Variants in ZNF408 observed in about 807,000 individuals in gnomAD.
ZNF408 encodes the protein zinc finger protein 408.
Under a neutral mutation model 27.6 loss-of-function variants are expected in ZNF408, and 24 were observed. The observed-to-expected ratio is 0.87, with a 90% CI of 0.63 to 1.22. The LOEUF (loss-of-function observed/expected upper bound fraction) is 1.22, where lower values mean the gene tolerates loss of function less well. Among genes scored for constraint, ZNF408 ranks in the 50% most tolerant of loss-of-function variants. The probability of loss-of-function intolerance (pLI) is 0.00; values close to 1 mark genes in which losing one functional copy is unlikely to be tolerated. For missense variants in ZNF408, 897 were observed against 949.0 expected (o/e 0.95, Z 0.72); for synonymous variants, 410 against 396.1 (o/e 1.04, Z -0.42).
In ZNF408 at chr11:46,701,670, G is replaced by A; in HGVS notation, c.324G>A (p.Gln108=). ...KEKGEGVKPR[Q]EENLSLGPWG... Reference sequence around the variant, plus strand: ...AGGGCGAGGGAGTAAAGCCACGGCAGGAGGAGGTATTGAAGGATAGAGCGA... The same window carrying A: ...AGGGCGAGGGAGTAAAGCCACGGCAAGAGGAGGTATTGAAGGATAGAGCGA... The change falls in exon 2 of 5, where the codon CAG becomes CAA. Residue 108 remains glutamine, a synonymous_variant. Transcript: ENST00000311764. The A allele has an allele frequency of 6.3e-7, 1 of 1,576,390 alleles. No individual in the cohort carries two copies.
chr11:46,702,422 G>C (rs1837810826), intron 2 of ZNF408, among the ~76,000 whole-genome samples: 1 of 152,194 alleles, frequency 6.6e-6, no homozygotes, highest in Non-Finnish European at 1.5e-5. Context: ...AAAAGCTGGT[G>C]TTCCTTATTA....
At position 46,704,503 on chromosome 11, in the gene ZNF408, A is replaced by G; in HGVS notation, c.803A>G (p.Gln268Arg). Residue 268 changes from glutamine (Q) to arginine (R), a missense_variant, in exon 5 of 5, where the codon CAG becomes CGG. Physicochemically the swap from Gln to Arg is conservative, Grantham distance 43. Transcript: ENST00000311764. ...DGDVDEECPA[Q>R]AQMPPELQSN... is the part of the protein sequence containing the mutation. ...GACGTGGATGAGGAATGCCCGGCCCAGGCACAGATGCCACCTGAACTTCAG... is the reference window on the plus strand; with the variant it reads ...GACGTGGATGAGGAATGCCCGGCCCGGGCACAGATGCCACCTGAACTTCAG... 5.6e-6 allele frequency: 9 copies of G among 1,613,938 alleles called. No homozygotes were observed. Among genetic ancestry groups the G allele is most frequent in the Non-Finnish European group, 7.6e-6 (9 of 1,179,994 alleles).
At chr11:46,703,637 G>A (rs531758522) in intron 4 of ZNF408, among the ~76,000 whole-genome samples, 2 of 152,128 alleles carry the variant, frequency 1.3e-5, no homozygotes, top group Admixed American at 6.5e-5. Context: ...AGTAAGCTTT[G>A]TATGTACACG....
chr11:46,701,538 C>T lies in ZNF408; in HGVS notation c.192C>T (p.Gly64=), dbSNP rs763345714. 1 of 1,613,768 alleles carries T rather than the reference C, an allele frequency of 6.2e-7. No individual in the cohort carries two copies. The highest frequency in any genetic ancestry group is 1.1e-5 in the South Asian group (1 of 91,080). ...GCCTTCCCCGGGGCTTGGCCCTTGG[C>T]CCCTCACTCGCCAAGGAACAGCGCT... The part of the protein sequence containing the change: ...LKSLPRGLAL[G]PSLAKEQRLG... The change falls in exon 2 of 5, where the codon GGC becomes GGT. Residue 64 remains glycine, a synonymous_variant. Coordinates refer to ENST00000311764, the MANE Select transcript of ZNF408 (RefSeq NM_024741.3).
intron 4 of ZNF408, 92 bp from the exon 5 acceptor site, chr11:46,704,261 T>C: frequency 7.3e-7 from 1 of 1,367,560 alleles, no homozygotes; most frequent in Non-Finnish European, 1.0e-6. Flanking sequence ...GCTCAGGGGC[T>C]GGGTGGGAGA....
intron 2 of ZNF408, 71 bp downstream of exon 2, chr11:46,701,747 T>C (rs2064709670): frequency 1.2e-5 from 17 of 1,438,322 alleles, no homozygotes; most frequent in Non-Finnish European, 1.4e-5. Flanking sequence ...GCTAGACAGC[T>C]TTTCAATTTG....
chr11:46,705,222 C>T lies in ZNF408; in HGVS notation c.1522C>T (p.Arg508Trp), dbSNP rs373386613. The T allele has an allele frequency of 2.5e-5, 41 of 1,611,910 alleles. No individual in the cohort carries two copies. The highest frequency in any genetic ancestry group is 4.5e-5 in the East Asian group (2 of 44,874). ...CPHCGRAFRQ[R>W]GNLRGHLRLH... Reference sequence around the variant, plus strand: ...GCACTGTGGCCGGGCGTTTCGTCAGCGGGGCAACCTGCGTGGGCATTTGCG... The same window carrying T: ...GCACTGTGGCCGGGCGTTTCGTCAGTGGGGCAACCTGCGTGGGCATTTGCG... Residue 508 changes from arginine (R) to tryptophan (W), a missense_variant, in exon 5 of 5, where the codon CGG (arginine) becomes TGG (tryptophan). Coordinates refer to ENST00000311764, the MANE Select transcript of ZNF408 (RefSeq NM_024741.3). This position sits in a 1 kb window ranked among gnomAD's most constrained non-coding sequence, Gnocchi z 6.5.
At chr11:46,703,770 GTTT>G (rs1480616553) in intron 4 of ZNF408, among the ~76,000 whole-genome samples, 1 of 93,836 alleles carries the variant, frequency 1.1e-5, no homozygotes, top group African/African-American at 4.5e-5. Flanking sequence ...TGTTGTTGTT[GTTT>G]TTTTTTTTTT....
chr11:46,705,345 G>C lies in ZNF408; in HGVS notation c.1645G>C (p.Glu549Gln), dbSNP rs2064743864. The change falls in exon 5 of 5, where the codon GAG (glutamate) becomes CAG (glutamine). Residue 549 changes from glutamate (E) to glutamine (Q), a missense_variant. Glu to Gln is a conservative substitution (Grantham distance 29, BLOSUM62 2). Coordinates refer to ENST00000311764, the MANE Select transcript of ZNF408 (RefSeq NM_024741.3). The surrounding 1 kb of genome is among the most constrained non-coding windows in gnomAD (Gnocchi z 6.5). ...LRRHLISHTG[E>Q]AHLCPVCGKA... is the part of the protein sequence containing the mutation. ...GCGCCATCTCATCTCACACACCGGG[G>C]AGGCCCACTTGTGCCCGGTGTGTGG... is the stretch of plus-strand genomic sequence containing the variant. The C allele has an allele frequency of 6.2e-7, 1 of 1,610,944 alleles. No individual in the cohort carries two copies.
At chr11:46,703,842 G>T (rs1377529943) in intron 4 of ZNF408, among the ~76,000 whole-genome samples, 1 of 142,680 alleles carries the variant, frequency 7.0e-6, no homozygotes, top group Non-Finnish European at 1.5e-5. Context: ...GTCTCAGCTC[G>T]CTGCAACCTC....
chr11:46,705,423 G>A lies in ZNF408; in HGVS notation c.1723G>A (p.Gly575Arg), dbSNP rs576989115. ...CCGAGCTCACGAGCGCCTGCACTCCGGAGAGAGGCCCTTTCCCTGTCCCCA... is the reference window on the plus strand; with the variant it reads ...CCGAGCTCACGAGCGCCTGCACTCCAGAGAGAGGCCCTTTCCCTGTCCCCA... ...TLRAHERLHS[G>R]ERPFPCPQCG... Residue 575 changes from glycine (G) to arginine (R), a missense_variant, in exon 5 of 5, where the codon GGA (glycine) becomes AGA (arginine). Physicochemically the swap from Gly to Arg is moderately radical, Grantham distance 125. Coordinates refer to ENST00000311764, the MANE Select transcript of ZNF408 (RefSeq NM_024741.3). The surrounding 1 kb of genome is among the most constrained non-coding windows in gnomAD (Gnocchi z 6.5). The A allele has an allele frequency of 3.0e-5, 49 of 1,607,882 alleles. No homozygotes were observed. Among genetic ancestry groups the A allele is most frequent in the Admixed American group, 2.2e-4 (13 of 59,994 alleles).
intron 1 of ZNF408, 94 bp from the exon 2 acceptor site, chr11:46,701,305 G>T (rs2064702468): frequency 1.3e-6 from 2 of 1,572,704 alleles, no homozygotes; most frequent in Admixed American, 1.8e-5. Flanking sequence ...CTCGGGCTCC[G>T]CAGGCCCACC....
In ZNF408 at chr11:46,703,252, C is replaced by G. The variant is rs2064724300; in HGVS notation, c.652+9C>G. ...AGCAGAACCTTGCATAGGTATGTGT[C>G]AAATAAATGCTGGTTTCCCAGCAAT... On this transcript the variant is annotated intron_variant, in intron 4 of 4. Transcript: ENST00000311764. 1.3e-6 allele frequency: 2 copies of G among 1,598,914 alleles called. No individual in the cohort carries two copies.
Position 46,701,054 on chromosome 11 carries a change from G to A in ZNF408, c.7G>A (p.Glu3Lys). The A allele has an allele frequency of 6.2e-7, 1 of 1,614,162 alleles. No homozygotes were observed. Among genetic ancestry groups the A allele is most frequent in the Non-Finnish European group, 8.5e-7 (1 of 1,180,006 alleles). Reference sequence around the variant, plus strand: ...GGAGGCTTTCTGACCCGGAATGGAGGAGGCGGAGGAGCTGCTCTTGGAGGG... The same window carrying A: ...GGAGGCTTTCTGACCCGGAATGGAGAAGGCGGAGGAGCTGCTCTTGGAGGG... ME[E>K]AEELLLEGKK... The change falls in exon 1 of 5, where the codon GAG (glutamate) becomes AAG (lysine). Residue 3 changes from glutamate to lysine, a missense_variant. Glu to Lys is a moderately conservative substitution (Grantham distance 56). Transcript: ENST00000311764.
At chr11:46,703,283 C>T (rs1309844301) in intron 4 of ZNF408, 40 bp downstream of exon 4, 3 of 1,579,042 alleles carry the variant, frequency 1.9e-6, no homozygotes, top group Admixed American at 3.7e-5. Flanking sequence ...GCAATTTCCC[C>T]ACCAAAACAA....
At chr11:46,704,214 C>T in intron 4 of ZNF408, 139 bp from the exon 5 acceptor site, 1 of 878,028 alleles carries the variant, frequency 1.1e-6, no homozygotes, top group Non-Finnish European at 1.7e-6. Context: ...GCACCCCATG[C>T]TCCAGGGAAG....
chr11:46,703,273 G>A lies in ZNF408; in HGVS notation c.652+30G>A, dbSNP rs771083214. The A allele has an allele frequency of 9.4e-5, 150 of 1,587,468 alleles. 2 individuals carry two copies. In the South Asian group the frequency reaches 1.6e-3, roughly 17 times the overall value. ...GTGTCAAATAAATGCTGGTTTCCCA[G>A]CAATTTCCCCACCAAAACAACCTGT... On this transcript the variant is annotated intron_variant, in intron 4 of 4. Coordinates refer to ENST00000311764, the MANE Select transcript of ZNF408 (RefSeq NM_024741.3).
chr11:46,705,778 A>G lies in ZNF408; in HGVS notation c.2078A>G (p.Asp693Gly), dbSNP rs770599186. The G allele has an allele frequency of 2.5e-6, 4 of 1,611,104 alleles. No homozygotes were observed. The highest frequency in any genetic ancestry group is 3.4e-6 in the Non-Finnish European group (4 of 1,178,800). Residue 693 changes from aspartate (D) to glycine (G), a missense_variant, in exon 5 of 5, where the codon GAT becomes GGT. Coordinates refer to ENST00000311764, the MANE Select transcript of ZNF408 (RefSeq NM_024741.3). The surrounding 1 kb of genome is among the most constrained non-coding windows in gnomAD (Gnocchi z 6.5). ...TGCTTTGTGGTGCCAGAGGAGCCAG[A>G]TGCCGCCCCCAGCCTGGTGCTAATC... ...EKCFVVPEEP[D>G]AAPSLVLIHK...
rs2134511188 is a variant in ZNF408 at position 46,705,449 on chromosome 11, G to A, written c.1749G>A (p.Gln583=). 1.2e-6 allele frequency: 2 copies of A among 1,607,572 alleles called. No individual in the cohort carries two copies. Among genetic ancestry groups the A allele is most frequent in the African/African-American group, 1.3e-5 (1 of 74,872 alleles). ...HSGERPFPCP[Q]CGRAYTLATK... ...GAGAGAGGCCCTTTCCCTGTCCCCAGTGTGGCCGTGCTTACACGCTGGCCA... is the reference window on the plus strand; with the variant it reads ...GAGAGAGGCCCTTTCCCTGTCCCCAATGTGGCCGTGCTTACACGCTGGCCA... The change falls in exon 5 of 5, where the codon CAG becomes CAA. Residue 583 remains glutamine, a synonymous_variant. Coordinates refer to ENST00000311764, the MANE Select transcript of ZNF408 (RefSeq NM_024741.3). The surrounding 1 kb of genome is among the most constrained non-coding windows in gnomAD (Gnocchi z 6.5).
Sources: allele counts gnomAD v4.1 joint callset (sites outside exome capture counted in the v4.1 genomes callset), GRCh38; gene constraint gnomAD v4.1.1; non-coding constraint Gnocchi (gnomAD v3.1); transcripts MANE v1.5; gene names NCBI Gene and HGNC (gene_info 2026-07-23, HGNC 2026-07-21).